The following DNAH11 variants were observed in gnomAD, a reference collection of about 807,000 sequenced individuals.
DNAH11 encodes the protein dynein axonemal heavy chain 11.
In DNAH11, 442 loss-of-function variants were observed where a neutral mutation model predicts 526.0. The ratio of observed to expected loss-of-function variants is 0.84; its 90% CI spans 0.78 to 0.91. The LOEUF (loss-of-function observed/expected upper bound fraction) is 0.91. DNAH11 is among the 40% of genes least tolerant of loss of function. The probability of loss-of-function intolerance (pLI) is 0.00; values close to 1 mark genes in which losing one functional copy is unlikely to be tolerated. For synonymous variants in DNAH11, 2,461 were observed against 1,935.9 expected (o/e 1.27, Z -7.12); for missense variants, 6,989 against 5,448.7 (o/e 1.28, Z -8.90).
At position 21,711,808 on chromosome 7, in the gene DNAH11, G is replaced by C. The variant is rs781667145; in HGVS notation, c.6931G>C (p.Val2311Leu). 17 of 1,613,720 alleles carry C rather than the reference G, an allele frequency of 1.1e-5. No individual in the cohort carries two copies. Among genetic ancestry groups the C allele is most frequent in the African/African-American group, 4.0e-5 (3 of 74,918 alleles). Residue 2311 changes from valine (V) to leucine (L), a missense_variant, in exon 42 of 82, where the codon GTT (valine) becomes CTT (leucine). Val to Leu is a conservative substitution (Grantham distance 32). Coordinates refer to ENST00000409508, the MANE Select transcript of DNAH11 (RefSeq NM_001277115.2). The part of the protein sequence containing the change: ...HHLRSATPAT[V>L]SRAGILYVNP... ...CTTAAGGAGCGCAACCCCGGCCACT[G>C]TTTCCAGAGCTGGTATTCTGTATGT...
intron 76 of DNAH11, among the ~76,000 whole-genome samples, chr7:21,888,623 G>A (rs1453483311): frequency 2.0e-5 from 3 of 152,048 alleles, no homozygotes; most frequent in Non-Finnish European, 4.4e-5. Context: ...CTGAGTAGCT[G>A]GGATTACAGG....
At chr7:21,860,577 A>G (rs527978069) in intron 68 of DNAH11, among the ~76,000 whole-genome samples, 87 of 152,340 alleles carry the variant, frequency 5.7e-4, no homozygotes, top group African/African-American at 1.8e-3. Flanking sequence ...GATGAATCAA[A>G]TGTTGTATAT....
At chr7:21,751,247 C>A (rs1296412195) in intron 54 of DNAH11, among the ~76,000 whole-genome samples, 1 of 152,070 alleles carries the variant, frequency 6.6e-6, no homozygotes, top group Non-Finnish European at 1.5e-5. Flanking sequence ...TCACTTGAAC[C>A]CAGGAGGCAG....
chr7:21,574,593 T>C (rs1784014978), intron 8 of DNAH11, among the ~76,000 whole-genome samples: 2 of 125,504 alleles, frequency 1.6e-5, no homozygotes, highest in African/African-American at 3.2e-5. Context: ...AGACAGAGTC[T>C]CACTCTGTCG....
At chr7:21,876,015 C>A (rs1449775981) in intron 74 of DNAH11, among the ~76,000 whole-genome samples, 28 of 151,234 alleles carry the variant, frequency 1.9e-4, no homozygotes, top group Admixed American at 1.9e-3. Flanking sequence ...TCCCGAGTAG[C>A]TGGGACTACA....
intron 62 of DNAH11, among the ~76,000 whole-genome samples, chr7:21,805,588 C>T (rs1003062554): frequency 6.6e-6 from 1 of 152,138 alleles, no homozygotes; most frequent in African/African-American, 2.4e-5. Context: ...GAAGAGTTCT[C>T]CATTTGTGAG....
At chr7:21,569,350 G>C (rs1783789896) in intron 6 of DNAH11, among the ~76,000 whole-genome samples, 1 of 152,168 alleles carries the variant, frequency 6.6e-6, no homozygotes, top group African/African-American at 2.4e-5. Flanking sequence ...AGAATGCAGA[G>C]GTTCTTGGTC....
At chr7:21,627,503 C>T (rs1786394367) in intron 25 of DNAH11, among the ~76,000 whole-genome samples, 1 of 152,096 alleles carries the variant, frequency 6.6e-6, no homozygotes, top group Non-Finnish European at 1.5e-5. Context: ...TATGGTTATC[C>T]AGTTTTCCCA....
intron 76 of DNAH11, among the ~76,000 whole-genome samples, chr7:21,892,182 G>A (rs573479122): frequency 6.6e-6 from 1 of 152,220 alleles, no homozygotes; most frequent in Admixed American, 6.5e-5. Flanking sequence ...ACTGCCCCAT[G>A]CACACTGCAA....
intron 65 of DNAH11, among the ~76,000 whole-genome samples, chr7:21,838,948 TC>T (rs902057656): frequency 1.2e-4 from 18 of 152,100 alleles, no homozygotes; most frequent in African/African-American, 4.3e-4. Flanking sequence ...AATTTTATGT[TC>T]CCATTAGCAG....
At chr7:21,784,620 G>A (rs1213630656) in intron 58 of DNAH11, 80 bp downstream of exon 58, 5 of 1,016,894 alleles carry the variant, frequency 4.9e-6, no homozygotes, top group Non-Finnish European at 6.9e-6. Flanking sequence ...TGAGCTGAGA[G>A]AGTAGCCCAT....
chr7:21,711,745 C>T lies in DNAH11; in HGVS notation c.6868C>T (p.Leu2290Phe), dbSNP rs758913365. 57 of 1,613,714 alleles carry T rather than the reference C, an allele frequency of 3.5e-5. No homozygotes were observed. The highest frequency in any genetic ancestry group is 4.7e-5 in the Non-Finnish European group (55 of 1,179,798). Reference protein sequence around the residue: ...LTLASNERIALTPFMRLLFEI... With the variant: ...LTLASNERIAFTPFMRLLFEI... ...CCTCGCCAGCAATGAGCGCATTGCA[C>T]TCACTCCCTTCATGAGGCTTCTGTT... is the stretch of plus-strand genomic sequence containing the variant. Residue 2290 changes from leucine to phenylalanine, a missense_variant, in exon 42 of 82, where the codon CTC becomes TTC. Transcript: ENST00000409508.
intron 25 of DNAH11, among the ~76,000 whole-genome samples, chr7:21,630,043 T>A (rs1786529902): frequency 6.6e-6 from 1 of 152,180 alleles, no homozygotes; most frequent in Admixed American, 6.5e-5. Flanking sequence ...GTTAATATGT[T>A]TTAATTCAAT....
At chr7:21,707,959 T>G in intron 40 of DNAH11, 124 bp downstream of exon 40, 1 of 989,452 alleles carries the variant, frequency 1.0e-6, no homozygotes, top group Non-Finnish European at 1.4e-6. Flanking sequence ...ATTGGAAATA[T>G]AGCAGATCAC....
chr7:21,900,376 C>T (rs1025245022), intron 81 of DNAH11, among the ~76,000 whole-genome samples: 1 of 101,620 alleles, frequency 9.8e-6, no homozygotes, highest in Admixed American at 9.3e-5. Flanking sequence ...TGAATAACAT[C>T]ATTAGACTTA....
rs746124922 is a variant in DNAH11 at position 21,742,091 on chromosome 7, G to A, written c.8079G>A (p.Met2693Ile). Residue 2693 changes from methionine to isoleucine, a missense_variant, in exon 49 of 82, where the codon ATG (methionine) becomes ATA (isoleucine). Transcript: ENST00000409508. ...IQATIAFHQT[M>I]MCNFLPTAIK... ...CAACAATAGCATTCCATCAGACAAT[G>A]ATGTGTAACTTTTTACCCACGGCTA... 1.9e-6 allele frequency: 3 copies of A among 1,613,918 alleles called. No individual in the cohort carries two copies. The highest frequency in any genetic ancestry group is 2.2e-5 in the South Asian group (2 of 91,076).
intron 28 of DNAH11, among the ~76,000 whole-genome samples, chr7:21,645,244 A>G (rs186749001): frequency 6.6e-6 from 1 of 152,314 alleles, no homozygotes; most frequent in African/African-American, 2.4e-5. Flanking sequence ...CACTTGATGA[A>G]GGTTGTTCAG....
intron 18 of DNAH11, among the ~76,000 whole-genome samples, chr7:21,605,015 C>A (rs953679376): frequency 1.3e-5 from 2 of 152,160 alleles, no homozygotes; most frequent in African/African-American, 4.8e-5. Context: ...TGTTTTGATT[C>A]CATAACACAT....
Position 21,718,189 on chromosome 7 carries a change from A to AT in DNAH11, c.7134+273dup, listed in dbSNP as rs60132685. Reference sequence around the variant, plus strand: ...AGAAGGTTAGAACCATGTTTTACTGATTTTTTTTTAGTATCCCCAGATAGC... The same window carrying AT: ...AGAAGGTTAGAACCATGTTTTACTGATTTTTTTTTTAGTATCCCCAGATAGC... On this transcript the variant is annotated intron_variant, in intron 43 of 81. Transcript: ENST00000409508. Among the ~76,000 whole-genome samples the AT allele has an allele frequency of 6.1e-3, 925 of 150,726 alleles. 6 individuals carry two copies. The highest frequency in any genetic ancestry group is 0.021 in the African/African-American group (872 of 40,984).
Sources: allele counts gnomAD v4.1 joint callset (sites outside exome capture counted in the v4.1 genomes callset), GRCh38; gene constraint gnomAD v4.1.1; transcripts MANE v1.5; gene names NCBI Gene and HGNC (gene_info 2026-07-23, HGNC 2026-07-21).